Variants in NPC1 observed in about 807,000 individuals in gnomAD.
NPC1 encodes the protein NPC intracellular cholesterol transporter 1, also known as Niemann-Pick C1 protein.
NPC1 carries 85 observed loss-of-function variants against 140.4 expected under a neutral mutation model. That is an observed-to-expected ratio of 0.61 (90% CI 0.51 to 0.72). The LOEUF (loss-of-function observed/expected upper bound fraction) is 0.72. Among genes scored for constraint, NPC1 ranks in the 30% least tolerant of loss-of-function variants. NPC1 has a pLI of 0.00. For missense variants in NPC1, 1,504 were observed against 1,623.8 expected, an observed-to-expected ratio of 0.93 and a Z score of 1.27; for synonymous variants, 656 against 624.8, an observed-to-expected ratio of 1.05 and a Z score of -0.74.
At chr18:23,511,793 G>A (rs2057865690) in intron 3 of NPC1, among the ~76,000 whole-genome samples, 1 of 151,530 alleles carries the variant, frequency 6.6e-6, no homozygotes, top group Admixed American at 6.6e-5. Flanking sequence ...ATTTTTTTGT[G>A]ATTACAAATA....
rs750351595 is a variant in NPC1, at chr18:23,561,378, T to C, written c.613A>G (p.Ile205Val). ...TACCTACCTGAAAACACAGGAGTGA[T>C]GGTAAAAGGTGCCTGTCCATTGTCC... ...NKDNGQAPFT[I>V]TPVFSDFPVH... Residue 205 changes from isoleucine (I) to valine (V), a missense_variant, in exon 5 of 25, where the codon ATC becomes GTC. Coordinates refer to ENST00000269228, the MANE Select transcript of NPC1 (RefSeq NM_000271.5). 2.5e-6 allele frequency: 4 copies of C among 1,614,194 alleles called. No homozygotes were observed. In the South Asian group the frequency reaches 3.3e-5, roughly 13 times the overall value.
At chr18:23,516,927 T>C (rs2058024063) in intron 3 of NPC1, among the ~76,000 whole-genome samples, 2 of 151,974 alleles carry the variant, frequency 1.3e-5, no homozygotes, top group Non-Finnish European at 2.9e-5. Context: ...GGCTTCACCA[T>C]GTTGGCCAGG....
At chr18:23,519,379 G>A (rs911854634), downstream of NPC1, among the ~76,000 whole-genome samples, 10 of 152,102 alleles carry the variant, frequency 6.6e-5, no homozygotes, top group South Asian at 2.1e-4. Context: ...TTAGCCGGGC[G>A]TGGTAGTGCA....
rs1001402301 is a variant in NPC1 at position 23,556,464 on chromosome 18, C to A, written c.1105G>T (p.Val369Leu). The change falls in exon 8 of 25, where the codon GTG (valine) becomes TTG (leucine). Residue 369 changes from valine (V) to leucine (L), a missense_variant. By Grantham distance (32) the Val-to-Leu change is conservative (BLOSUM62 1). Transcript: ENST00000269228. ...VFITACSSGL[V>L]FVRVTTNPVD... is the part of the protein sequence containing the mutation. ...GGATTGGTTGTGACCCGGACAAACA[C>A]CAGGCCTGACGAACACGCAGTAATG... 6.2e-6 allele frequency: 10 copies of A among 1,614,148 alleles called. No individual in the cohort carries two copies. The highest frequency in any genetic ancestry group is 1.3e-5 in the African/African-American group (1 of 75,032).
chr18:23,523,392 CAATGGATAATCGAACT>C (rs1274679919), intron 1 of NPC1, among the ~76,000 whole-genome samples: 1 of 151,986 alleles, frequency 6.6e-6, no homozygotes, highest in African/African-American at 2.4e-5. Context: ...CTACTCTATG[CAATGGATAATCGAACT>C]AATTATTTAG....
At chr18:23,534,141 C>T (rs2058587752) in intron 23 of NPC1, 1 of 510,294 alleles carries the variant, frequency 2.0e-6, no homozygotes, top group East Asian at 3.7e-5. Flanking sequence ...CCGCACATCA[C>T]ACGCTGGGTT....
At chr18:23,583,883 G>A (rs1463841618) in intron 1 of NPC1, among the ~76,000 whole-genome samples, 2 of 152,142 alleles carry the variant, frequency 1.3e-5, no homozygotes, top group Non-Finnish European at 2.9e-5. Flanking sequence ...GGAAAGATGG[G>A]GAAAGATTTC....
In NPC1 at chr18:23,535,514, G is replaced by C. The variant is rs191526202; in HGVS notation, c.3432C>G (p.Leu1144=). 5 of 1,613,974 alleles carry C rather than the reference G, an allele frequency of 3.1e-6. No individual in the cohort carries two copies. In the Admixed American group the frequency reaches 8.3e-5, roughly 27 times the overall value. Residue 1144 remains leucine, a synonymous_variant, in exon 22 of 25, where the codon CTC becomes CTG. Transcript: ENST00000269228. ...ATACAGCGTTCAGACTGATGCCCCA[G>C]AGCCACATAACTCCAAACATGTTGA... is the stretch of plus-strand genomic sequence containing the variant. ...VLVNMFGVMW[L]WGISLNAVSL...
intron 5 of NPC1, 100 bp from the exon 6 acceptor site, chr18:23,560,580 A>G (rs2059024060): frequency 8.2e-7 from 1 of 1,213,956 alleles, no homozygotes; most frequent in East Asian, 2.4e-5. Context: ...AATACATAAA[A>G]CAACTGAAAG....
At chr18:23,518,118 C>A (rs1413208032), downstream of NPC1, among the ~76,000 whole-genome samples, 1 of 152,248 alleles carries the variant, frequency 6.6e-6, no homozygotes, top group Non-Finnish European at 1.5e-5. Context: ...TGTCCCTGGG[C>A]AGGCCCAGCA....
chr18:23,583,946 GA>G (rs1046215024), intron 1 of NPC1, among the ~76,000 whole-genome samples: 17 of 152,278 alleles, frequency 1.1e-4, no homozygotes, highest in African/African-American at 4.1e-4. Flanking sequence ...CAGGTCAAAA[GA>G]TTAACCATTC....
chr18:23,579,825 C>T (rs2059336533), intron 1 of NPC1, among the ~76,000 whole-genome samples: 1 of 150,962 alleles, frequency 6.6e-6, no homozygotes, highest in Non-Finnish European at 1.5e-5. Context: ...GCGGAGGTTG[C>T]AGTAAGCTGA....
Position 23,556,351 on chromosome 18 carries a change from C to T in NPC1, c.1218G>A (p.Glu406=). ...DQHFGPFFRT[E]QLIIRAPLTD... is the part of the protein sequence containing the mutation. ...TGAGAGGGGCCCGGATGATGAGCTGCTCCGTCCGGAAGAAAGGCCCAAAGT... is the reference window on the plus strand; with the variant it reads ...TGAGAGGGGCCCGGATGATGAGCTGTTCCGTCCGGAAGAAAGGCCCAAAGT... The change falls in exon 8 of 25, where the codon GAG becomes GAA. Residue 406 remains glutamate (E), a synonymous_variant. Transcript: ENST00000269228. 1 of 1,614,110 alleles carries T rather than the reference C, an allele frequency of 6.2e-7. No individual in the cohort carries two copies.
rs754436896 is a variant in NPC1 at position 23,540,053 on chromosome 18, T to C, written c.2605-52A>G. 2.7e-6 allele frequency: 4 copies of C among 1,492,748 alleles called. 1 individual carries two copies. The South Asian group carries it at 3.4e-5, about 13-fold the overall frequency. 92.5% of individuals were successfully genotyped at this position (1,492,748 alleles called of 1,614,324 possible). On this transcript the variant is annotated intron_variant, in intron 17 of 24. Transcript: ENST00000269228. ...AGAGTGTGAACACTCTGATAGTAACTAAGCAAGGCGAGGATCATGGAGAAT... is the reference window on the plus strand; with the variant it reads ...AGAGTGTGAACACTCTGATAGTAACCAAGCAAGGCGAGGATCATGGAGAAT...
chr18:23,521,746 T>C (rs2058148154), downstream of NPC1, among the ~76,000 whole-genome samples: 1 of 151,928 alleles, frequency 6.6e-6, no homozygotes, highest in Admixed American at 6.6e-5. Flanking sequence ...TTCTGGAGGC[T>C]AGAAGTTCAA....
Position 23,556,527 on chromosome 18 carries a change from G to A in NPC1, c.1042C>T (p.Arg348Ter), listed in dbSNP as rs1474434210. Residue 348 changes from arginine (R) to a stop codon, truncating the protein, a stop_gained, in exon 8 of 25, where the codon CGA becomes TGA. Coordinates refer to ENST00000269228, the MANE Select transcript of NPC1 (RefSeq NM_000271.5). LOFTEE classifies it high-confidence loss of function. ...LFTRWGSFCVRNPGCVIFFSL... is the reference protein window; with the variant it reads ...LFTRWGSFCV Reference sequence around the variant, plus strand: ...AAGAAAATGACACAGCCAGGGTTTCGGACGCAGAAAGACCCCCAGCGTGTG... The same window carrying A: ...AAGAAAATGACACAGCCAGGGTTTCAGACGCAGAAAGACCCCCAGCGTGTG... 4 of 1,614,072 alleles carry A rather than the reference G, an allele frequency of 2.5e-6. No individual in the cohort carries two copies. The highest frequency in any genetic ancestry group is 3.4e-6 in the Non-Finnish European group (4 of 1,179,998).
chr18:23,516,195 A>G, intron 3 of NPC1: 10 of 1,339,272 alleles, frequency 7.5e-6, no homozygotes, highest in Non-Finnish European at 9.5e-6. Context: ...GTGAGAGGAC[A>G]TGGGGGACGG....
At chr18:23,553,538 G>C (rs921616187) in intron 9 of NPC1, among the ~76,000 whole-genome samples, 6 of 152,302 alleles carry the variant, frequency 3.9e-5, no homozygotes, top group African/African-American at 1.4e-4. Flanking sequence ...AACCAGAAGT[G>C]AGAGTCCTTA....
At chr18:23,562,855 G>C (rs1567972043) in intron 4 of NPC1, among the ~76,000 whole-genome samples, 1 of 152,074 alleles carries the variant, frequency 6.6e-6, no homozygotes, top group Non-Finnish European at 1.5e-5. Flanking sequence ...AAATTAGCCA[G>C]GTGTGGTGGC....
Sources: gnomAD v4.1 joint callset for allele counts (sites outside exome capture counted in the v4.1 genomes callset) on GRCh38, gnomAD v4.1.1 for gene constraint, MANE v1.5 for transcripts, NCBI Gene and HGNC (gene_info 2026-07-23, HGNC 2026-07-21) for gene names.